The following CFAP77 variants were observed in gnomAD, a reference collection of about 807,000 sequenced individuals.
The protein encoded by CFAP77 is cilia and flagella associated protein 77, also known as cilia- and flagella-associated protein 77.
In CFAP77, 25 loss-of-function variants were observed where a neutral mutation model predicts 31.1. The ratio of observed to expected loss-of-function variants is 0.80; its 90% CI spans 0.59 to 1.12. CFAP77 has a LOEUF of 1.12. CFAP77 is among the 50% of genes most tolerant of loss of function. CFAP77 has a pLI of 0.00. For synonymous variants in CFAP77, 151 were observed against 159.9 expected (o/e 0.94, Z 0.42); for missense variants, 377 against 397.3 (o/e 0.95, Z 0.44).
chr9:132,416,256 T>TCCAG (rs1564196435), intron 1 of CFAP77, among the ~76,000 whole-genome samples: 1 of 151,168 alleles, frequency 6.6e-6, no homozygotes, highest in Non-Finnish European at 1.5e-5. Context: ...GTCACACTCA[T>TCCAG]CCAGTGTCTG....
chr9:132,515,690 T>C (rs1039299487), intron 3 of CFAP77, among the ~76,000 whole-genome samples: 16 of 152,224 alleles, frequency 1.1e-4, no homozygotes, highest in African/African-American at 3.4e-4. Flanking sequence ...CTGGCACCCC[T>C]TTCTGCAGCG....
intron 1 of CFAP77, among the ~76,000 whole-genome samples, chr9:132,484,694 C>T (rs1381362098): frequency 6.6e-6 from 1 of 151,094 alleles, no homozygotes; most frequent in Non-Finnish European, 1.5e-5. Flanking sequence ...TATGAACACG[C>T]AGGTACATGT....
In CFAP77 at chr9:132,552,710, AAAG is replaced by A. The variant is rs1362210135; in HGVS notation, c.732+9664_732+9666del. On this transcript the variant is annotated intron_variant, in intron 5 of 5. Coordinates refer to ENST00000393216, the MANE Select transcript of CFAP77 (RefSeq NM_001282957.2). This position sits in a 1 kb window ranked among gnomAD's most constrained non-coding sequence, Gnocchi z 5.5. Reference sequence around the variant, plus strand: ...GACTCCATCTCAAAAAAAAAAAAAAAAAGCAGAGTCCAGGGCCTCTCCAGGACT... The same window carrying A: ...GACTCCATCTCAAAAAAAAAAAAAAACAGAGTCCAGGGCCTCTCCAGGACT... Among the ~76,000 whole-genome samples, 1 of 151,316 alleles carries A rather than the reference AAAG, an allele frequency of 6.6e-6. No homozygotes were observed. The highest frequency in any genetic ancestry group is 1.9e-4 in the East Asian group (1 of 5,174).
intron 1 of CFAP77, among the ~76,000 whole-genome samples, chr9:132,433,804 T>C (rs1850456592): frequency 2.0e-5 from 3 of 151,720 alleles, no homozygotes. Context: ...CGCCTCGGCC[T>C]CCCAAAGTGC....
intron 1 of CFAP77, among the ~76,000 whole-genome samples, chr9:132,468,799 A>ACACACACACGCACACACT (rs1332410549): frequency 2.0e-5 from 3 of 150,744 alleles, no homozygotes; most frequent in African/African-American, 7.3e-5. Context: ...ACGCACACAC[A>ACACACACACGCACACACT]CACACACACA....
At chr9:132,439,806 G>A (rs957073311) in intron 1 of CFAP77, among the ~76,000 whole-genome samples, 3 of 142,616 alleles carry the variant, frequency 2.1e-5, no homozygotes, top group Non-Finnish European at 3.0e-5. Context: ...CCGAGATCGT[G>A]CCACTGCACT....
Position 132,410,338 on chromosome 9 carries a change from C to G in CFAP77, c.67C>G (p.Arg23Gly). ...RWRKQQQPVR[R>G]TVSQVCPPPR... Reference sequence around the variant, plus strand: ...GAGGAAGCAGCAGCAGCCTGTGCGCCGCACGGTCAGCCAGGTCTGCCCGCC... The same window carrying G: ...GAGGAAGCAGCAGCAGCCTGTGCGCGGCACGGTCAGCCAGGTCTGCCCGCC... The change falls in exon 1 of 6, where the codon CGC (arginine) becomes GGC (glycine). Residue 23 changes from arginine (R) to glycine (G), a missense_variant. Physicochemically the swap from Arg to Gly is moderately radical, Grantham distance 125. Transcript: ENST00000393216. 1 of 1,598,628 alleles carries G rather than the reference C, an allele frequency of 6.3e-7. No individual in the cohort carries two copies. Among genetic ancestry groups the G allele is most frequent in the Non-Finnish European group, 8.5e-7 (1 of 1,173,852 alleles).
At chr9:132,558,775 G>T (rs1013749510) in intron 5 of CFAP77, among the ~76,000 whole-genome samples, 2 of 151,946 alleles carry the variant, frequency 1.3e-5, no homozygotes, top group African/African-American at 2.4e-5. Context: ...CACTTTGGGA[G>T]GCTAAGATGG....
rs539941481 is a variant in CFAP77 at position 132,455,575 on chromosome 9, CA to C, written c.196-43113del. On this transcript the variant is annotated intron_variant, in intron 1 of 5. Coordinates refer to ENST00000393216, the MANE Select transcript of CFAP77 (RefSeq NM_001282957.2). The surrounding 1 kb of genome is among the most constrained non-coding windows in gnomAD (Gnocchi z 4.1). The stretch of plus-strand genomic sequence containing the variant: ...CGAGACCCTATCTCTACTAAAAATA[CA>C]AAAAAATAGCTCTGTATGATGGTAC... 6.6e-6 allele frequency among the ~76,000 whole-genome samples: 1 copy of C among 151,144 alleles called. No homozygotes were observed. Among genetic ancestry groups the C allele is most frequent in the Non-Finnish European group, 1.5e-5 (1 of 67,828 alleles).
chr9:132,473,775 C>T (rs980357781), intron 1 of CFAP77, among the ~76,000 whole-genome samples: 1 of 152,202 alleles, frequency 6.6e-6, no homozygotes, highest in Non-Finnish European at 1.5e-5. Context: ...CCTCTACCTC[C>T]CAGGTTCAAA....
rs140314147 is a variant in CFAP77, at chr9:132,432,695, C to G, written c.195+22229C>G. ...TATAGGCATGCGCCACCACACCCAG[C>G]TAATTTTCATTTTTTGTTTTGTTTT... is the stretch of plus-strand genomic sequence containing the variant. On this transcript the variant is annotated intron_variant, in intron 1 of 5. Coordinates refer to ENST00000393216, the MANE Select transcript of CFAP77 (RefSeq NM_001282957.2). 7.8e-3 allele frequency among the ~76,000 whole-genome samples: 1,187 copies of G among 151,820 alleles called. 27 individuals carry two copies. The highest frequency in any genetic ancestry group is 0.027 in the African/African-American group (1,127 of 41,346).
At position 132,481,754 on chromosome 9, in the gene CFAP77, C is replaced by T. The variant is rs1249144835; in HGVS notation, c.196-16941C>T. Among the ~76,000 whole-genome samples, 1 of 152,194 alleles carries T rather than the reference C, an allele frequency of 6.6e-6. No homozygotes were observed. Among genetic ancestry groups the T allele is most frequent in the East Asian group, 1.9e-4 (1 of 5,202 alleles). On this transcript the variant is annotated intron_variant, in intron 1 of 5. Coordinates refer to ENST00000393216, the MANE Select transcript of CFAP77 (RefSeq NM_001282957.2). The surrounding 1 kb of genome is among the most constrained non-coding windows in gnomAD (Gnocchi z 5.0). Reference sequence around the variant, plus strand: ...TTATTAACAGGCTTCGTTTTAGGGACGCCTCCTCCGCCTCAGCTATCTGCT... The same window carrying T: ...TTATTAACAGGCTTCGTTTTAGGGATGCCTCCTCCGCCTCAGCTATCTGCT...
intron 1 of CFAP77, among the ~76,000 whole-genome samples, chr9:132,488,077 A>T (rs1475548034): frequency 6.6e-6 from 1 of 152,208 alleles, no homozygotes; most frequent in Non-Finnish European, 1.5e-5. Flanking sequence ...GCGCTTTAAC[A>T]AAATGCAGGA....
rs1406493567 is a variant in CFAP77, at chr9:132,410,237, C to T, written c.-35C>T. On this transcript the variant is annotated 5_prime_UTR_variant, in exon 1 of 6. Coordinates refer to ENST00000393216, the MANE Select transcript of CFAP77 (RefSeq NM_001282957.2). ...CCCGACGTGGGGAAGCGCGCCCAAA[C>T]CAGCCCGCGGGCCGGCTCCCCGGCG... 1 of 1,521,524 alleles carries T rather than the reference C, an allele frequency of 6.6e-7. No individual in the cohort carries two copies. The highest frequency in any genetic ancestry group is 2.0e-5 in the Admixed American group (1 of 49,504). The allele number at this position is 1,521,524 out of a possible 1,614,324, so 94.3% of individuals were successfully genotyped here.
chr9:132,561,066 CT>C, intron 5 of CFAP77, among the ~76,000 whole-genome samples: 1 of 152,270 alleles, frequency 6.6e-6, no homozygotes, highest in Admixed American at 6.5e-5. Flanking sequence ...AAACGACAAC[CT>C]GCTACATCAG....
chr9:132,516,564 C>A (rs748339487), intron 3 of CFAP77, among the ~76,000 whole-genome samples: 1 of 148,250 alleles, frequency 6.7e-6, no homozygotes, highest in Admixed American at 6.8e-5. Flanking sequence ...ATACATAAAA[C>A]AACACATGAT....
At chr9:132,486,016 A>ATATATATATATATGTATG (rs1564222934) in intron 1 of CFAP77, among the ~76,000 whole-genome samples, 417 of 16,314 alleles carry the variant, frequency 0.026, 20 homozygotes, top group Middle Eastern at 0.053. Flanking sequence ...ATATATATAT[A>ATATATATATATATGTATG]TATATATATA....
intron 1 of CFAP77, among the ~76,000 whole-genome samples, chr9:132,435,519 A>C (rs1850490983): frequency 6.6e-6 from 1 of 151,922 alleles, no homozygotes; most frequent in Non-Finnish European, 1.5e-5. Flanking sequence ...AAGTGAAGGA[A>C]TCTGAATGCT....
rs1196506470 is a variant in CFAP77, at chr9:132,497,717, AC to A, written c.196-976del. On this transcript the variant is annotated intron_variant, in intron 1 of 5. Transcript: ENST00000393216. The surrounding 1 kb of genome is among the most constrained non-coding windows in gnomAD (Gnocchi z 4.9). ...CCTGAGAAACGGGGATGGTAATGAGACCTGCCTCACTGCGCAGCTATGCAGA... is the reference window on the plus strand; with the variant it reads ...CCTGAGAAACGGGGATGGTAATGAGACTGCCTCACTGCGCAGCTATGCAGA... Among the ~76,000 whole-genome samples the A allele has an allele frequency of 2.6e-5, 4 of 151,930 alleles. No homozygotes were observed. Among genetic ancestry groups the A allele is most frequent in the Non-Finnish European group, 5.9e-5 (4 of 67,974 alleles).
Sources: allele counts gnomAD v4.1 joint callset (sites outside exome capture counted in the v4.1 genomes callset), GRCh38; gene constraint gnomAD v4.1.1; non-coding constraint Gnocchi (gnomAD v3.1); transcripts MANE v1.5; gene names NCBI Gene and HGNC (gene_info 2026-07-23, HGNC 2026-07-21).